Variants in CNTNAP4 observed in about 807,000 individuals in gnomAD.
The protein encoded by CNTNAP4 is contactin-associated protein-like 4.
In CNTNAP4, 98 loss-of-function variants were observed where a neutral mutation model predicts 148.4. That is an observed-to-expected ratio of 0.66 (90% CI 0.56 to 0.78). The LOEUF (loss-of-function observed/expected upper bound fraction) is 0.78, where lower values mean the gene tolerates loss of function less well. CNTNAP4 is among the 30% of genes least tolerant of loss of function. CNTNAP4 has a pLI of 0.00. For missense variants in CNTNAP4, 1,935 were observed against 1,565.6 expected (o/e 1.24, Z -3.98); for synonymous variants, 730 against 565.1 (o/e 1.29, Z -4.14).
At chr16:76,451,133 G>A (rs1396144879) in intron 7 of CNTNAP4, among the ~76,000 whole-genome samples, 1 of 152,170 alleles carries the variant, frequency 6.6e-6, no homozygotes, top group Admixed American at 6.5e-5. Context: ...GGGCCATAGT[G>A]CAGGAGAGCA....
At chr16:76,339,548 A>G (rs1964296831) in intron 2 of CNTNAP4, among the ~76,000 whole-genome samples, 1 of 152,196 alleles carries the variant, frequency 6.6e-6, no homozygotes, top group Non-Finnish European at 1.5e-5. Flanking sequence ...AATCAAAACT[A>G]TTTCTTAGAA....
intron 3 of CNTNAP4, among the ~76,000 whole-genome samples, chr16:76,367,538 A>G (rs2014293117): frequency 6.6e-6 from 1 of 152,234 alleles, no homozygotes; most frequent in Admixed American, 6.5e-5. Flanking sequence ...ATTCAGCAGC[A>G]GCAGTGGTCT....
chr16:76,431,215 A>G (rs1280199410), intron 4 of CNTNAP4, among the ~76,000 whole-genome samples: 1 of 152,150 alleles, frequency 6.6e-6, no homozygotes, highest in Non-Finnish European at 1.5e-5. Flanking sequence ...ACCCCAGTCA[A>G]GCACAGGAAA....
intron 15 of CNTNAP4, among the ~76,000 whole-genome samples, chr16:76,502,791 A>C (rs1005818146): frequency 6.6e-6 from 1 of 152,010 alleles, no homozygotes; most frequent in Non-Finnish European, 1.5e-5. Context: ...GAGACAGGAG[A>C]TTAACACTTT....
At chr16:76,460,619 CA>C (rs1340281487) in intron 8 of CNTNAP4, among the ~76,000 whole-genome samples, 19 of 147,984 alleles carry the variant, frequency 1.3e-4, no homozygotes, top group Non-Finnish European at 2.2e-4. Flanking sequence ...AAAAATTAGC[CA>C]GGCGTGGTGG....
chr16:76,529,398 C>G (rs1880410517), intron 17 of CNTNAP4, among the ~76,000 whole-genome samples: 1 of 152,208 alleles, frequency 6.6e-6, no homozygotes, highest in Non-Finnish European at 1.5e-5. Context: ...AGCATCCAGT[C>G]ACTGCTGTTA....
At chr16:76,470,044 G>T (rs2081309592) in intron 10 of CNTNAP4, among the ~76,000 whole-genome samples, 1 of 152,104 alleles carries the variant, frequency 6.6e-6, no homozygotes, top group African/African-American at 2.4e-5. Flanking sequence ...CACTTAAGAT[G>T]AATGAGCATT....
At position 76,278,959 on chromosome 16, in the gene CNTNAP4, A is replaced by T. The variant is rs370947246; in HGVS notation, c.85+1212A>T. 2.0e-5 allele frequency among the ~76,000 whole-genome samples: 3 copies of T among 152,338 alleles called. 1 individual carries two copies. In the East Asian group the frequency reaches 5.8e-4, roughly 29 times the overall value. On this transcript the variant is annotated intron_variant, in intron 1 of 23. Transcript: ENST00000611870. ...GGGTATCCATCACTCTGAAAGAAGG[A>T]ACCTCACTTCAGGTGCTGCACATCA...
chr16:76,392,087 G>A (rs944955672), intron 3 of CNTNAP4, among the ~76,000 whole-genome samples: 3 of 152,118 alleles, frequency 2.0e-5, no homozygotes, highest in Non-Finnish European at 4.4e-5. Context: ...TCTGCCTCCC[G>A]GGTTCAAGGG....
At chr16:76,442,959 T>C (rs4887863) in intron 4 of CNTNAP4, among the ~76,000 whole-genome samples, 36,036 of 151,930 alleles carry the variant, frequency 0.24, 5,787 homozygotes, top group African/African-American at 0.45. Context: ...ATATATATTA[T>C]TAGAAATGGC....
chr16:76,342,999 C>T (rs1964606881), intron 2 of CNTNAP4, among the ~76,000 whole-genome samples: 1 of 152,144 alleles, frequency 6.6e-6, no homozygotes, highest in Middle Eastern at 3.2e-3. Flanking sequence ...TCAGCTGCCA[C>T]ATTCTCTGTG....
In CNTNAP4 at chr16:76,453,854, TTTTA is replaced by T. The variant is rs1256201900; in HGVS notation, c.1333+1090_1333+1093del. On this transcript the variant is annotated intron_variant, in intron 8 of 23. Coordinates refer to ENST00000611870, the MANE Select transcript of CNTNAP4 (RefSeq NM_033401.5). ...TTTAAAGAGATACTATGCTGTGACT[TTTTA>T]TTTAGTGTTCAAAATGTGGTAGATT... is the stretch of plus-strand genomic sequence containing the variant. Among the ~76,000 whole-genome samples the T allele has an allele frequency of 2.0e-5, 3 of 152,138 alleles. No individual in the cohort carries two copies. The South Asian group carries it at 6.2e-4, about 31-fold the overall frequency.
intron 11 of CNTNAP4, 92 bp downstream of exon 11, chr16:76,476,137 G>A: frequency 2.5e-6 from 2 of 815,126 alleles, no homozygotes; most frequent in Admixed American, 2.3e-5. Flanking sequence ...TGTCTGTTCT[G>A]TGCAAACTCA....
chr16:76,521,955 T>C, intron 16 of CNTNAP4, 84 bp from the exon 17 acceptor site: 3 of 1,196,088 alleles, frequency 2.5e-6, no homozygotes, highest in Non-Finnish European at 3.7e-6. Flanking sequence ...ATTGTTACGC[T>C]GTAGTGTGTT....
chr16:76,355,417 G>T lies in CNTNAP4; in HGVS notation c.296G>T (p.Gly99Val), dbSNP rs769681418. ...GTCACCGCTGTGGCCACTCAAGGGG[G>T]ATATGGTAGCTCCAACTGGGTGACC... ...MEVTAVATQG[G>V]YGSSNWVTSY... Residue 99 changes from glycine to valine, a missense_variant, in exon 3 of 24, where the codon GGA becomes GTA. By Grantham distance (109) the Gly-to-Val change is moderately radical (BLOSUM62 -3). Coordinates refer to ENST00000611870, the MANE Select transcript of CNTNAP4 (RefSeq NM_033401.5). 1 of 1,612,580 alleles carries T rather than the reference G, an allele frequency of 6.2e-7. No homozygotes were observed. The highest frequency in any genetic ancestry group is 1.3e-5 in the African/African-American group (1 of 74,826).
intron 3 of CNTNAP4, among the ~76,000 whole-genome samples, chr16:76,424,613 G>A (rs1037028400): frequency 5.3e-5 from 8 of 152,016 alleles, no homozygotes; most frequent in African/African-American, 1.9e-4. Flanking sequence ...AAAAAAATTA[G>A]CCAGCCATGG....
chr16:76,374,781 T>G (rs966704442), intron 3 of CNTNAP4, among the ~76,000 whole-genome samples: 2 of 149,568 alleles, frequency 1.3e-5, no homozygotes, highest in African/African-American at 4.9e-5. Flanking sequence ...ATTATTATTA[T>G]TATTTGAGAG....
chr16:76,558,072 A>C (rs2085270288), intron 23 of CNTNAP4: 1 of 153,588 alleles, frequency 6.5e-6, no homozygotes, highest in Admixed American at 6.5e-5. Flanking sequence ...ATTGAATAAC[A>C]ATTTCATTAA....
At chr16:76,529,843 C>CTGTGTGTA (rs1555595412) in intron 17 of CNTNAP4, among the ~76,000 whole-genome samples, 2 of 148,352 alleles carry the variant, frequency 1.3e-5, no homozygotes, top group African/African-American at 5.0e-5. Flanking sequence ...TGAATCTCAG[C>CTGTGTGTA]TGTGTGTGTG....
Sources: allele counts gnomAD v4.1 joint callset (sites outside exome capture counted in the v4.1 genomes callset), GRCh38; gene constraint gnomAD v4.1.1; transcripts MANE v1.5; gene names NCBI Gene and HGNC (gene_info 2026-07-23, HGNC 2026-07-21).